The following P2RX7 variants were observed in gnomAD, a reference collection of about 807,000 sequenced individuals.
P2RX7 encodes the protein P2X purinoceptor 7.
P2RX7 carries 62 observed loss-of-function variants against 71.6 expected under a neutral mutation model. That is an observed-to-expected ratio of 0.87 (90% CI 0.71 to 1.07). The LOEUF (loss-of-function observed/expected upper bound fraction) is 1.07. P2RX7 is among the 50% of genes least tolerant of loss of function. The probability of loss-of-function intolerance (pLI) is 0.00; values close to 1 mark genes in which losing one functional copy is unlikely to be tolerated. For synonymous variants in P2RX7, 299 were observed against 283.3 expected, an observed-to-expected ratio of 1.06 and a Z score of -0.56; for missense variants, 686 against 748.5, an observed-to-expected ratio of 0.92 and a Z score of 0.97.
intron 1 of P2RX7, among the ~76,000 whole-genome samples, chr12:121,140,215 G>A (rs1322168813): frequency 3.4e-5 from 5 of 147,484 alleles, no homozygotes; most frequent in Non-Finnish European, 7.4e-5. Flanking sequence ...AACAGTAAAT[G>A]CAAAGACCTG....
intron 12 of P2RX7, among the ~76,000 whole-genome samples, chr12:121,182,796 C>A (rs1258917943): frequency 6.6e-6 from 1 of 152,178 alleles, no homozygotes; most frequent in Non-Finnish European, 1.5e-5. Flanking sequence ...ATTTATCTTT[C>A]TTCAATAATA....
chr12:121,172,140 C>T lies in P2RX7; in HGVS notation c.882-3248C>T, dbSNP rs146519010. 1.4e-3 allele frequency among the ~76,000 whole-genome samples: 218 copies of T among 151,222 alleles called. 12 individuals carry two copies. The East Asian group carries it at 0.039, about 27-fold the overall frequency. ...CCTCCCAAAGTGCTGGGATTACAGGCGTGAGCCACTGCGCCCAGCCATCAC... is the reference window on the plus strand; with the variant it reads ...CCTCCCAAAGTGCTGGGATTACAGGTGTGAGCCACTGCGCCCAGCCATCAC... On this transcript the variant is annotated intron_variant, in intron 8 of 12. Transcript: ENST00000328963.
At chr12:121,165,484 A>G (rs1326730266) in intron 6 of P2RX7, 47 bp downstream of exon 6, 1 of 1,428,706 alleles carries the variant, frequency 7.0e-7, no homozygotes, top group Non-Finnish European at 9.9e-7. Context: ...ACTGCTGAGT[A>G]ATAAATTATC....
chr12:121,143,206 A>G (rs1026458127), intron 1 of P2RX7, among the ~76,000 whole-genome samples: 9 of 150,016 alleles, frequency 6.0e-5, no homozygotes, highest in African/African-American at 1.7e-4. Flanking sequence ...CAACATGGTG[A>G]AAGTCTCTCT....
rs947428220 is a variant in P2RX7, at chr12:121,140,274, A to G, written c.125+7179A>G. ...AGCATGTCCCAGAACCTGGGGAGAG[A>G]GGAGGGAGCAGCCGGAGCTGAGGGC... On this transcript the variant is annotated intron_variant, in intron 1 of 12. Coordinates refer to ENST00000328963, the MANE Select transcript of P2RX7 (RefSeq NM_002562.6). Among the ~76,000 whole-genome samples, 18 of 152,188 alleles carry G rather than the reference A, an allele frequency of 1.2e-4. 1 individual carries two copies. Among genetic ancestry groups the G allele is most frequent in the African/African-American group, 3.9e-4 (16 of 41,456 alleles).
chr12:121,132,940 C>A lies in P2RX7; in HGVS notation c.-31C>A. Reference sequence around the variant, plus strand: ...CTGTCAGGAAGAGTAGAGCTCTGGTCCAGCTCCGCGCAGGGAGGGAGGCTG... The same window carrying A: ...CTGTCAGGAAGAGTAGAGCTCTGGTACAGCTCCGCGCAGGGAGGGAGGCTG... On this transcript the variant is annotated 5_prime_UTR_variant, in exon 1 of 13. Coordinates refer to ENST00000328963, the MANE Select transcript of P2RX7 (RefSeq NM_002562.6). The A allele has an allele frequency of 6.2e-7, 1 of 1,612,448 alleles. No individual in the cohort carries two copies. Among genetic ancestry groups the A allele is most frequent in the South Asian group, 1.1e-5 (1 of 91,004 alleles).
chr12:121,171,521 A>G (rs1882184772), intron 8 of P2RX7, among the ~76,000 whole-genome samples: 1 of 151,838 alleles, frequency 6.6e-6, no homozygotes, highest in African/African-American at 2.4e-5. Flanking sequence ...TTTGGGGCTT[A>G]CCCTAAATCC....
At chr12:121,147,605 GTTGTTTGT>G (rs199617518) in intron 1 of P2RX7, among the ~76,000 whole-genome samples, 4 of 151,624 alleles carry the variant, frequency 2.6e-5, no homozygotes, top group South Asian at 4.2e-4. Flanking sequence ...TTTTTTTGTT[GTTGTTTGT>G]TTGTTTGTTT....
chr12:121,154,854 G>A lies in P2RX7; in HGVS notation c.195G>A (p.Val65=). Residue 65 remains valine, a synonymous_variant, in exon 2 of 13, where the codon GTG becomes GTA. Transcript: ENST00000328963. The surrounding 1 kb of genome is among the most constrained non-coding windows in gnomAD (Gnocchi z 4.2). ...TCATCAGTTCTGTGCACACCAAGGT[G>A]AAGGGGATAGCAGAGGTGAAAGAGG... ...EPVISSVHTK[V]KGIAEVKEEI... is the part of the protein sequence containing the mutation. The A allele has an allele frequency of 6.2e-7, 1 of 1,614,222 alleles. No individual in the cohort carries two copies. The highest frequency in any genetic ancestry group is 1.1e-5 in the South Asian group (1 of 91,088).
At chr12:121,134,307 C>G (rs571908981) in intron 1 of P2RX7, among the ~76,000 whole-genome samples, 2 of 152,278 alleles carry the variant, frequency 1.3e-5, no homozygotes, top group Admixed American at 1.3e-4. Flanking sequence ...TTTTTACATT[C>G]CTATCAGCAG....
intron 9 of P2RX7, among the ~76,000 whole-genome samples, chr12:121,176,549 A>G (rs2567986): frequency 0.39 from 58,639 of 151,440 alleles, 11,732 homozygotes; most frequent in African/African-American, 0.45. Context: ...TCAGGAGCTC[A>G]AGACCAGCCT....
chr12:121,175,078 G>T (rs1441028208), intron 8 of P2RX7, among the ~76,000 whole-genome samples: 1 of 152,056 alleles, frequency 6.6e-6, no homozygotes, highest in Non-Finnish European at 1.5e-5. Flanking sequence ...GGGAGCCTGA[G>T]GCAGGCAAAT....
rs766262866 is a variant in P2RX7, at chr12:121,166,018, C to T, written c.615-40C>T. 26 of 1,581,534 alleles carry T rather than the reference C, an allele frequency of 1.6e-5. No homozygotes were observed. In the East Asian group the frequency reaches 2.5e-4, roughly 15 times the overall value. Reference sequence around the variant, plus strand: ...GGAAAGAGACAGATCTGTTTTCAATCGAGATGTTTGTTTGTTTGTTTGCTT... The same window carrying T: ...GGAAAGAGACAGATCTGTTTTCAATTGAGATGTTTGTTTGTTTGTTTGCTT... On this transcript the variant is annotated intron_variant, in intron 6 of 12. Transcript: ENST00000328963.
Position 121,149,078 on chromosome 12 carries a change from T to C in P2RX7, c.126-5707T>C. 1.7e-6 allele frequency: 1 copy of C among 584,710 alleles called. No homozygotes were observed. Among genetic ancestry groups the C allele is most frequent in the South Asian group, 1.4e-5 (1 of 70,970 alleles). The allele number at this position is 584,710 out of a possible 1,614,324, so 36.2% of individuals were successfully genotyped here. On this transcript the variant is annotated intron_variant, in intron 1 of 12. Coordinates refer to ENST00000328963, the MANE Select transcript of P2RX7 (RefSeq NM_002562.6). This position sits in a 1 kb window ranked among gnomAD's most constrained non-coding sequence, Gnocchi z 4.7. ...CAGAGCTTGAAGAGCAATCTAACCA[T>C]GCTGGCATGGGGCCCATCCCACCTG...
chr12:121,157,082 T>A (rs927168593), intron 3 of P2RX7, among the ~76,000 whole-genome samples: 1 of 152,234 alleles, frequency 6.6e-6, no homozygotes. Flanking sequence ...TAAGTTTATC[T>A]ATACCAGCGT....
intron 1 of P2RX7, among the ~76,000 whole-genome samples, chr12:121,143,743 T>G (rs1024514421): frequency 1.3e-5 from 2 of 151,720 alleles, no homozygotes; most frequent in African/African-American, 4.8e-5. Flanking sequence ...TCCCAGCTAC[T>G]CGGGAGGCTG....
chr12:121,141,929 G>C (rs941707762), intron 1 of P2RX7, among the ~76,000 whole-genome samples: 2 of 152,144 alleles, frequency 1.3e-5, no homozygotes, highest in Non-Finnish European at 2.9e-5. Context: ...GGAGACCCAA[G>C]CTTTCCAAAC....
chr12:121,156,183 A>T, intron 3 of P2RX7, 36 bp downstream of exon 3: 28 of 1,562,972 alleles, frequency 1.8e-5, no homozygotes, highest in Non-Finnish European at 2.5e-5. Context: ...GTCAGGTCTT[A>T]AGAGTTCCTG....
intron 1 of P2RX7, among the ~76,000 whole-genome samples, chr12:121,136,647 CTTT>C (rs66894143): frequency 3.4e-5 from 4 of 119,228 alleles, no homozygotes; most frequent in Non-Finnish European, 3.4e-5. Context: ...TTCTTTCTTT[CTTT>C]TTTTTTTTTT....
Sources: allele counts gnomAD v4.1 joint callset (sites outside exome capture counted in the v4.1 genomes callset), GRCh38; gene constraint gnomAD v4.1.1; non-coding constraint Gnocchi (gnomAD v3.1); transcripts MANE v1.5; gene names NCBI Gene and HGNC (gene_info 2026-07-23, HGNC 2026-07-21).